The following NFIA variants were observed in gnomAD, a reference collection of about 807,000 sequenced individuals.
NFIA encodes the protein nuclear factor I A.
In NFIA, 8 loss-of-function variants were observed where a neutral mutation model predicts 62.8. The observed-to-expected ratio is 0.13, with a 90% confidence interval of 0.07 to 0.23. NFIA has a LOEUF of 0.23. NFIA is among the 10% of genes least tolerant of loss of function. NFIA has a pLI of 1.00. For synonymous variants in NFIA, 235 were observed against 238.1 expected (o/e 0.99, Z 0.12); for missense variants, 410 against 642.1 (o/e 0.64, Z 3.91).
At position 61,462,078 on chromosome 1, in the gene NFIA, A is replaced by G. The variant is rs1248495267; in HGVS notation, c.*6758A>G. The G allele has an allele frequency of 1.2e-5, 1 of 83,832 alleles. No homozygotes were observed. Among genetic ancestry groups the G allele is most frequent in the Non-Finnish European group, 2.2e-5 (1 of 44,872 alleles). The allele number at this position is 83,832 out of a possible 1,614,324, so 5.2% of individuals were successfully genotyped here. A position where few individuals can be genotyped will look rare whatever the true frequency, so the allele number is the denominator to read the frequency against. ...TTTGTTTGTTTTTTTTTCTTTTGAC[A>G]TTGCAACCGAAGGTCATAAGGCCGC... On this transcript the variant is annotated 3_prime_UTR_variant, in exon 11 of 11. Coordinates refer to ENST00000403491, the MANE Select transcript of NFIA (RefSeq NM_001134673.4).
chr1:61,282,163 C>T (rs184429402), intron 3 of NFIA, among the ~76,000 whole-genome samples: 2 of 152,210 alleles, frequency 1.3e-5, no homozygotes, highest in Non-Finnish European at 2.9e-5. Context: ...GTCCCTCTCC[C>T]CTTCCTGCCC....
intron 2 of NFIA, among the ~76,000 whole-genome samples, chr1:61,239,952 C>T (rs1226640435): frequency 6.6e-6 from 1 of 151,972 alleles, no homozygotes; most frequent in Admixed American, 6.6e-5. Context: ...AGAACGAGAT[C>T]GATAGAGCAA....
At chr1:61,261,179 C>G (rs921584284) in intron 2 of NFIA, among the ~76,000 whole-genome samples, 6 of 152,140 alleles carry the variant, frequency 3.9e-5, no homozygotes, top group Non-Finnish European at 7.3e-5. Context: ...TTCTGAATCC[C>G]AGGTTTCCTG....
intron 2 of NFIA, among the ~76,000 whole-genome samples, chr1:61,106,100 C>CATCT (rs58274631): frequency 0.081 from 12,129 of 149,096 alleles, 478 homozygotes; most frequent in Middle Eastern, 0.095. Flanking sequence ...CTCTCTCATG[C>CATCT]ATCTATCTAT....
chr1:61,380,445 T>C (rs1208922103), intron 6 of NFIA, among the ~76,000 whole-genome samples: 4 of 152,196 alleles, frequency 2.6e-5, no homozygotes, highest in African/African-American at 9.6e-5. Flanking sequence ...GCATAAATAA[T>C]TGGCAAAAGA....
chr1:61,077,538 A>AT (rs1451796004), upstream of NFIA: 4 of 1,154,850 alleles, frequency 3.5e-6, no homozygotes, highest in Non-Finnish European at 4.6e-6. Flanking sequence ...TTATTTAGAT[A>AT]TTTTTTAAAT....
Position 61,144,174 on chromosome 1 carries a change from T to A in NFIA, c.559+55494T>A, listed in dbSNP as rs753658591. Among the ~76,000 whole-genome samples the A allele has an allele frequency of 7.9e-5, 12 of 152,156 alleles. 1 individual carries two copies. Among genetic ancestry groups the A allele is most frequent in the Non-Finnish European group, 1.8e-4 (12 of 68,034 alleles). On this transcript the variant is annotated intron_variant, in intron 2 of 10. Transcript: ENST00000403491. ...GGTTCTCAAAAGTGTAGTTCCTGGA[T>A]CAGTGGCATTAGCATAACATGGGGA...
At chr1:61,219,878 A>G (rs1198131701) in intron 2 of NFIA, among the ~76,000 whole-genome samples, 1 of 151,958 alleles carries the variant, frequency 6.6e-6, no homozygotes, top group Non-Finnish European at 1.5e-5. Context: ...CAGGAGAATC[A>G]CTTGGACCCG....
At chr1:61,250,484 A>G (rs1655955762) in intron 2 of NFIA, among the ~76,000 whole-genome samples, 1 of 152,244 alleles carries the variant, frequency 6.6e-6, no homozygotes, top group African/African-American at 2.4e-5. Context: ...TGCCACTTCC[A>G]TATGATCTAC....
chr1:61,249,631 C>G (rs1291338938), intron 2 of NFIA, among the ~76,000 whole-genome samples: 1 of 152,022 alleles, frequency 6.6e-6, no homozygotes, highest in African/African-American at 2.4e-5. Context: ...CTGGTGAAAC[C>G]CCATCTCTAC....
At chr1:61,348,387 T>C (rs1185067330) in intron 4 of NFIA, among the ~76,000 whole-genome samples, 1 of 152,206 alleles carries the variant, frequency 6.6e-6, no homozygotes, top group Non-Finnish European at 1.5e-5. Context: ...CTTAGTGATG[T>C]TTTAAAATTC....
intron 6 of NFIA, 98 bp from the exon 7 acceptor site, chr1:61,383,139 T>C (rs753135474): frequency 6.9e-7 from 1 of 1,446,416 alleles, no homozygotes; most frequent in Non-Finnish European, 9.5e-7. Flanking sequence ...GGATTTCTCT[T>C]TTTGTTTGTT....
intron 2 of NFIA, among the ~76,000 whole-genome samples, chr1:61,133,181 A>G (rs570161539): frequency 6.6e-6 from 1 of 152,018 alleles, no homozygotes; most frequent in South Asian, 2.1e-4. Context: ...TGTAACTCAA[A>G]TAGATGTTAC....
intron 2 of NFIA, among the ~76,000 whole-genome samples, chr1:61,124,510 G>A (rs1464127681): frequency 6.6e-6 from 1 of 152,146 alleles, no homozygotes; most frequent in Non-Finnish European, 1.5e-5. Flanking sequence ...AGAGGAGCAG[G>A]CATTCCAGGT....
chr1:61,149,156 A>G (rs1015967062), intron 2 of NFIA, among the ~76,000 whole-genome samples: 1 of 150,946 alleles, frequency 6.6e-6, no homozygotes, highest in African/African-American at 2.4e-5. Context: ...CTAGGCCCCC[A>G]GAATGCTGGG....
At chr1:61,291,876 T>C (rs1185076250) in intron 3 of NFIA, among the ~76,000 whole-genome samples, 1 of 152,208 alleles carries the variant, frequency 6.6e-6, no homozygotes, top group Non-Finnish European at 1.5e-5. Flanking sequence ...ATATGTATTA[T>C]AGTGTTACAT....
chr1:61,144,829 C>T (rs930553399), intron 2 of NFIA, among the ~76,000 whole-genome samples: 1 of 152,140 alleles, frequency 6.6e-6, no homozygotes, highest in African/African-American at 2.4e-5. Context: ...TTTGTATTAG[C>T]CATTAGCTCA....
intron 3 of NFIA, among the ~76,000 whole-genome samples, chr1:61,320,349 C>G (rs745990371): frequency 2.6e-5 from 4 of 152,144 alleles, no homozygotes; most frequent in Non-Finnish European, 5.9e-5. Context: ...GTGAATAATA[C>G]AGGTTCCACA....
At chr1:61,297,541 T>G (rs1659252459) in intron 3 of NFIA, among the ~76,000 whole-genome samples, 1 of 152,206 alleles carries the variant, frequency 6.6e-6, no homozygotes, top group Non-Finnish European at 1.5e-5. Flanking sequence ...AGAATAGTCC[T>G]TTCTTTGATA....
Sources: allele counts gnomAD v4.1 joint callset (sites outside exome capture counted in the v4.1 genomes callset), GRCh38; gene constraint gnomAD v4.1.1; transcripts MANE v1.5; gene names NCBI Gene and HGNC (gene_info 2026-07-23, HGNC 2026-07-21).